Variants in C2CD3 observed in about 807,000 individuals in gnomAD.
C2CD3 encodes C2 domain containing 3 centriole elongation regulator.
C2CD3 carries 148 observed loss-of-function variants against 234.0 expected under a neutral mutation model. That is an observed-to-expected ratio of 0.63 (90% CI 0.55 to 0.72). The LOEUF is 0.72. C2CD3 is among the 30% of genes least tolerant of loss of function. The pLI is 0.00. For missense variants in C2CD3, 2,577 were observed against 2,811.5 expected (o/e 0.92, Z 1.89); for synonymous variants, 1,000 against 1,035.4 (o/e 0.97, Z 0.66).
At chr11:74,020,875 A>G (rs1565200848) in intron 32 of C2CD3, among the ~76,000 whole-genome samples, 1 of 152,236 alleles carries the variant, frequency 6.6e-6, no homozygotes, top group Non-Finnish European at 1.5e-5. Context: ...GATTGAGTTG[A>G]TGACTGATTT....
chr11:74,039,720 T>C (rs1288341192), intron 29 of C2CD3, among the ~76,000 whole-genome samples: 1 of 152,160 alleles, frequency 6.6e-6, no homozygotes, highest in African/African-American at 2.4e-5. Context: ...TGGTATGTAG[T>C]TGGTAGAGGC....
At chr11:74,092,957 T>C (rs1377009085) in intron 18 of C2CD3, among the ~76,000 whole-genome samples, 3 of 152,176 alleles carry the variant, frequency 2.0e-5, no homozygotes, top group African/African-American at 7.2e-5. Flanking sequence ...GCCCCTCTAA[T>C]TTACCAGGGT....
At chr11:74,133,359 C>G in intron 6 of C2CD3, 66 bp downstream of exon 6, 2 of 1,466,484 alleles carry the variant, frequency 1.4e-6, no homozygotes, top group Non-Finnish European at 1.9e-6. Context: ...CATAACTTGA[C>G]AAAAAACACA....
chr11:74,046,869 G>A (rs567632330), intron 28 of C2CD3, among the ~76,000 whole-genome samples: 2 of 152,214 alleles, frequency 1.3e-5, no homozygotes, highest in South Asian at 2.1e-4. Flanking sequence ...GCTGTTCTAC[G>A]CATTTCACAA....
Position 74,161,426 on chromosome 11 carries a change from T to C in C2CD3, c.456A>G (p.Ser152=), listed in dbSNP as rs766804434. The C allele has an allele frequency of 6.3e-7, 1 of 1,593,188 alleles. No homozygotes were observed. Among genetic ancestry groups the C allele is most frequent in the Non-Finnish European group, 8.5e-7 (1 of 1,171,228 alleles). ...QINGFFTIVS[S]TSKKLGELQV... is the part of the protein sequence containing the mutation. ...GGAGTTCTCCAAGTTTCTTAGACGT[T>C]GATGAAACAATGGTAAAAAATCCAT... Residue 152 remains serine (S), a synonymous_variant, in exon 3 of 33, where the codon TCA becomes TCG. Transcript: ENST00000334126.
chr11:74,046,599 G>A (rs1294257142), intron 28 of C2CD3, among the ~76,000 whole-genome samples: 2 of 152,182 alleles, frequency 1.3e-5, no homozygotes, highest in African/African-American at 4.8e-5. Flanking sequence ...AAAGCACTGA[G>A]ATTAAAGGCC....
At chr11:74,050,874 G>A (rs766241926) in intron 26 of C2CD3, among the ~76,000 whole-genome samples, 1 of 151,498 alleles carries the variant, frequency 6.6e-6, no homozygotes, top group Non-Finnish European at 1.5e-5. Flanking sequence ...ACCTAGAGTG[G>A]GACAAAGGAG....
At chr11:74,143,112 G>A (rs1306977042) in intron 3 of C2CD3, among the ~76,000 whole-genome samples, 3 of 151,792 alleles carry the variant, frequency 2.0e-5, no homozygotes, top group African/African-American at 4.8e-5. Flanking sequence ...CAAAGCCCAC[G>A]CCATCCACAT....
intron 8 of C2CD3, among the ~76,000 whole-genome samples, chr11:74,119,654 G>C (rs921358108): frequency 2.6e-5 from 2 of 76,482 alleles, no homozygotes; most frequent in Admixed American, 3.0e-4. Context: ...TTTTTTTTTT[G>C]AGATGGAGTC....
intron 8 of C2CD3, among the ~76,000 whole-genome samples, chr11:74,118,646 TTTA>T (rs1378479672): frequency 2.0e-5 from 3 of 152,220 alleles, no homozygotes; most frequent in Non-Finnish European, 4.4e-5. Context: ...ATAACTATTA[TTTA>T]TTGACTATAG....
At chr11:74,116,921 T>C (rs1370232421) in intron 9 of C2CD3, among the ~76,000 whole-genome samples, 2 of 120,998 alleles carry the variant, frequency 1.7e-5, no homozygotes, top group Non-Finnish European at 3.4e-5. Context: ...TATATATACA[T>C]ATACACGTGT....
intron 3 of C2CD3, among the ~76,000 whole-genome samples, chr11:74,148,204 G>T (rs1054797531): frequency 6.6e-6 from 1 of 151,926 alleles, no homozygotes; most frequent in Non-Finnish European, 1.5e-5. Context: ...TAATTAAAGG[G>T]TTTAAAAATG....
chr11:74,106,222 T>G, intron 13 of C2CD3, 149 bp downstream of exon 13: 8 of 677,058 alleles, frequency 1.2e-5, no homozygotes, highest in Non-Finnish European at 2.0e-5. Context: ...ACCATTTATT[T>G]CCTTCATAGT....
chr11:74,069,986 CAG>C (rs549270810), intron 24 of C2CD3, among the ~76,000 whole-genome samples: 40 of 152,298 alleles, frequency 2.6e-4, no homozygotes, highest in African/African-American at 8.9e-4. Flanking sequence ...CATGGGAACC[CAG>C]AGGTGTCCTG....
At chr11:74,017,027 C>T (rs565480794) in intron 32 of C2CD3, among the ~76,000 whole-genome samples, 21 of 152,192 alleles carry the variant, frequency 1.4e-4, no homozygotes, top group South Asian at 4.2e-4. Context: ...GAGGGTATGC[C>T]ACGTGGAGGT....
In C2CD3 at chr11:74,109,062, A is replaced by G. The variant is rs924568421; in HGVS notation, c.1934T>C (p.Ile645Thr). 6.2e-7 allele frequency: 1 copy of G among 1,604,662 alleles called. No homozygotes were observed. Among genetic ancestry groups the G allele is most frequent in the Non-Finnish European group, 8.5e-7 (1 of 1,174,056 alleles). Residue 645 changes from isoleucine to threonine, a missense_variant, in exon 12 of 33, where the codon ATT (isoleucine) becomes ACT (threonine). Physicochemically the swap from Ile to Thr is moderately conservative, Grantham distance 89. Transcript: ENST00000334126. Reference sequence around the variant, plus strand: ...TTTCTGTGGAGTTTTCTTTACATAAATTTGGAAAGTGAGGTTGGAATTCCA... The same window carrying G: ...TTTCTGTGGAGTTTTCTTTACATAAGTTTGGAAAGTGAGGTTGGAATTCCA... ...HWWNSNLTFQ[I>T]YVKKTPQKKP...
intron 4 of C2CD3, 26 bp downstream of exon 4, chr11:74,139,579 T>A: frequency 7.0e-7 from 1 of 1,437,506 alleles, no homozygotes; most frequent in East Asian, 2.3e-5. Context: ...ACTGACAGAT[T>A]GACTGGTATT....
chr11:74,133,205 C>G (rs1294331699), intron 6 of C2CD3, among the ~76,000 whole-genome samples: 1 of 152,124 alleles, frequency 6.6e-6, no homozygotes. Context: ...GATACCAGTT[C>G]GGAGACAGTA....
intron 15 of C2CD3, 115 bp from the exon 16 acceptor site, chr11:74,098,370 G>A (rs1956189589): frequency 1.9e-6 from 2 of 1,069,028 alleles, no homozygotes; most frequent in Non-Finnish European, 2.7e-6. Context: ...AACTGGAAAA[G>A]TAATAGTGGT....
Sources: gnomAD v4.1 joint callset for allele counts (sites outside exome capture counted in the v4.1 genomes callset) on GRCh38, gnomAD v4.1.1 for gene constraint, MANE v1.5 for transcripts, NCBI Gene and HGNC (gene_info 2026-07-23, HGNC 2026-07-21) for gene names.